CELF6: variants seen among roughly 807,000 people sequenced by gnomAD.
CELF6 encodes Bruno -like 6, RNA binding protein.
In CELF6, 32 loss-of-function variants were observed where a neutral mutation model predicts 53.1. The ratio of observed to expected loss-of-function variants is 0.60; its 90% CI spans 0.46 to 0.81. The LOEUF (loss-of-function observed/expected upper bound fraction) is 0.81, where lower values mean the gene tolerates loss of function less well. Among genes scored for constraint, CELF6 ranks in the 30% least tolerant of loss-of-function variants. CELF6 has a pLI of 0.00. For synonymous variants in CELF6, 291 were observed against 288.8 expected, an observed-to-expected ratio of 1.01 and a Z score of -0.08; for missense variants, 539 against 669.5, an observed-to-expected ratio of 0.81 and a Z score of 2.15.
chr15:72,293,695 CTTT>C (rs34917839), intron 3 of CELF6, among the ~76,000 whole-genome samples: 75 of 128,700 alleles, frequency 5.8e-4, no homozygotes, highest in Non-Finnish European at 7.0e-4. Context: ...CTATCAAATG[CTTT>C]TTTTTTTTTT....
chr15:72,287,940 A>C (rs193282032), intron 11 of CELF6, among the ~76,000 whole-genome samples: 37 of 151,946 alleles, frequency 2.4e-4, no homozygotes, highest in Non-Finnish European at 1.5e-5. Flanking sequence ...CGGATTCAAG[A>C]AATTCTCCTG....
At chr15:72,305,865 T>C (rs2088222939) in intron 2 of CELF6, among the ~76,000 whole-genome samples, 1 of 151,444 alleles carries the variant, frequency 6.6e-6, no homozygotes, top group African/African-American at 2.4e-5. Context: ...TTTTTTTTTT[T>C]TTTTGCCCCA....
intron 3 of CELF6, among the ~76,000 whole-genome samples, chr15:72,303,504 G>A (rs1428677620): frequency 6.6e-6 from 1 of 152,206 alleles, no homozygotes; most frequent in Non-Finnish European, 1.5e-5. Flanking sequence ...CTGTGTGTGG[G>A]TTCTCAGACT....
At chr15:72,301,756 A>C (rs557697487) in intron 3 of CELF6, among the ~76,000 whole-genome samples, 5 of 50,632 alleles carry the variant, frequency 9.9e-5, no homozygotes, top group African/African-American at 2.3e-4. Context: ...TTTTTTTTTG[A>C]GACAGAGTCT....
At position 72,289,083 on chromosome 15, in the gene CELF6, C is replaced by G. The variant is rs992447830; in HGVS notation, c.1030+55G>C. 7.1e-7 allele frequency: 1 copy of G among 1,401,546 alleles called. No individual in the cohort carries two copies. Among genetic ancestry groups the G allele is most frequent in the Non-Finnish European group, 9.5e-7 (1 of 1,048,364 alleles). The allele number at this position is 1,401,546 out of a possible 1,614,324, so 86.8% of individuals were successfully genotyped here. Reference sequence around the variant, plus strand: ...CCAGGGAAGCCAGGCCCTAACCCCCCACCCCCCGCTCCCCACTCCATTTCG... The same window carrying G: ...CCAGGGAAGCCAGGCCCTAACCCCCGACCCCCCGCTCCCCACTCCATTTCG... On this transcript the variant is annotated intron_variant, in intron 8 of 12. Transcript: ENST00000287202. This position sits in a 1 kb window ranked among gnomAD's most constrained non-coding sequence, Gnocchi z 7.6.
intron 1 of CELF6, among the ~76,000 whole-genome samples, chr15:72,317,396 A>C (rs1004418505): frequency 1.5e-4 from 23 of 152,178 alleles, no homozygotes; most frequent in African/African-American, 5.3e-4. Context: ...CCTCTTCTAC[A>C]GGGCTGCCCC....
At chr15:72,306,478 G>A (rs1271086587) in intron 2 of CELF6, among the ~76,000 whole-genome samples, 1 of 139,796 alleles carries the variant, frequency 7.2e-6, no homozygotes, top group East Asian at 2.5e-4. Context: ...AGTAACCATG[G>A]TAACGCCCTG....
chr15:72,320,061 G>T lies in CELF6; in HGVS notation c.-187C>A. Reference sequence around the variant, plus strand: ...GGTGGGGCGGGCAGGAAAGGGGCGGGGCCGGGGCGGGGCGGGCCCGGGCCG... The same window carrying T: ...GGTGGGGCGGGCAGGAAAGGGGCGGTGCCGGGGCGGGGCGGGCCCGGGCCG... On this transcript the variant is annotated 5_prime_UTR_variant, in exon 1 of 13. Transcript: ENST00000287202. 1 of 575,086 alleles carries T rather than the reference G, an allele frequency of 1.7e-6. No homozygotes were observed. Among genetic ancestry groups the T allele is most frequent in the Non-Finnish European group, 3.2e-6 (1 of 309,466 alleles). The allele number at this position is 575,086 out of a possible 1,614,324, so 35.6% of individuals were successfully genotyped here.
rs1240910522 is a variant in CELF6, at chr15:72,319,042, TAGAC to T, written c.262+567_262+570del. ...CTGGGAATTGAATTGGATTTTGTGT[TAGAC>T]AGGTCTGGGTTCTGAAGAAGGGGAG... On this transcript the variant is annotated intron_variant, in intron 1 of 12. Transcript: ENST00000287202. This position sits in a 1 kb window ranked among gnomAD's most constrained non-coding sequence, Gnocchi z 5.0. Among the ~76,000 whole-genome samples, 3 of 152,072 alleles carry T rather than the reference TAGAC, an allele frequency of 2.0e-5. No individual in the cohort carries two copies. Among genetic ancestry groups the T allele is most frequent in the Admixed American group, 6.6e-5 (1 of 15,256 alleles).
At chr15:72,291,683 C>T (rs1473446143) in intron 3 of CELF6, among the ~76,000 whole-genome samples, 2 of 152,116 alleles carry the variant, frequency 1.3e-5, no homozygotes, top group Admixed American at 6.5e-5. Flanking sequence ...ATATGTCACC[C>T]GGGTGGTGTG....
Position 72,315,878 on chromosome 15 carries a change from C to G in CELF6, c.312G>C (p.Gln104His). Residue 104 changes from glutamine to histidine, a missense_variant, in exon 2 of 13, where the codon CAG (glutamine) becomes CAC (histidine). This residue lies in a region of CELF6 where 97 missense variants were observed against 168.8 expected (regional missense o/e 0.57). Coordinates refer to ENST00000287202, the MANE Select transcript of CELF6 (RefSeq NM_052840.5). Reference sequence around the variant, plus strand: ...GGGTCTTCTGCTCGTGCAGTGCACTCTGGGCCTTGAGAGCAGAGTCCCGGG... The same window carrying G: ...GGGTCTTCTGCTCGTGCAGTGCACTGTGGGCCTTGAGAGCAGAGTCCCGGG... Reference protein sequence around the residue: ...YCARDSALKAQSALHEQKTLP... With the variant: ...YCARDSALKAHSALHEQKTLP... 6.2e-7 allele frequency: 1 copy of G among 1,607,636 alleles called. No individual in the cohort carries two copies. Among genetic ancestry groups the G allele is most frequent in the Non-Finnish European group, 8.5e-7 (1 of 1,177,366 alleles).
chr15:72,319,930 C>G lies in CELF6; in HGVS notation c.-56G>C. The G allele has an allele frequency of 7.1e-7, 1 of 1,408,314 alleles. No homozygotes were observed. The highest frequency in any genetic ancestry group is 1.5e-5 in the African/African-American group (1 of 66,084). 87.2% of individuals were successfully genotyped at this position (1,408,314 alleles called of 1,614,324 possible). On this transcript the variant is annotated 5_prime_UTR_variant, in exon 1 of 13. Coordinates refer to ENST00000287202, the MANE Select transcript of CELF6 (RefSeq NM_052840.5). The surrounding 1 kb of genome is among the most constrained non-coding windows in gnomAD (Gnocchi z 5.0). ...CCACTGGTCCCGCCTGTCCCGCCGT[C>G]CCCTCCCTGGACCGGTGGCGAGGGC...
In CELF6 at chr15:72,288,907, G is replaced by A. The variant is rs1296482725; in HGVS notation, c.1054C>T (p.Pro352Ser). ...ATCCCAGCGTAGGCCTGCTGCAGGGGGTCAGCCACGCCGGGGCTCTGGGCT... is the reference window on the plus strand; with the variant it reads ...ATCCCAGCGTAGGCCTGCTGCAGGGAGTCAGCCACGCCGGGGCTCTGGGCT... ...YPAQSPGVAD[P>S]LQQAYAGMHH... The change falls in exon 9 of 13, where the codon CCC becomes TCC. Residue 352 changes from proline to serine, a missense_variant. Physicochemically the swap from Pro to Ser is moderately conservative, Grantham distance 74 (BLOSUM62 -1). Coordinates refer to ENST00000287202, the MANE Select transcript of CELF6 (RefSeq NM_052840.5). The surrounding 1 kb of genome is among the most constrained non-coding windows in gnomAD (Gnocchi z 4.6). 6 of 1,550,932 alleles carry A rather than the reference G, an allele frequency of 3.9e-6. No individual in the cohort carries two copies. Among genetic ancestry groups the A allele is most frequent in the Non-Finnish European group, 5.2e-6 (6 of 1,147,048 alleles).
Position 72,289,150 on chromosome 15 carries a change from A to G in CELF6, c.1018T>C (p.Ser340Pro). The G allele has an allele frequency of 6.5e-7, 1 of 1,539,906 alleles. No homozygotes were observed. The highest frequency in any genetic ancestry group is 8.7e-7 in the Non-Finnish European group (1 of 1,152,020). The change falls in exon 8 of 13, where the codon TCC becomes CCC. Residue 340 changes from serine to proline, a missense_variant. Transcript: ENST00000287202. This position sits in a 1 kb window ranked among gnomAD's most constrained non-coding sequence, Gnocchi z 7.6. Reference sequence around the variant, plus strand: ...GCGGGGGGCCCACCTGGATAAGGGGAGAGCCCGTTATTGTAGAGCGTGTCG... The same window carrying G: ...GCGGGGGGCCCACCTGGATAAGGGGGGAGCCCGTTATTGTAGAGCGTGTCG... ...GSDTLYNNGL[S>P]PYPAQSPGVA...
chr15:72,289,719 C>T lies in CELF6; in HGVS notation c.655G>A (p.Ala219Thr), dbSNP rs2087978448. The stretch of plus-strand genomic sequence containing the variant: ...GCCATCTGCTGCATCCGCCGCAGCG[C>T]GCGCTCCCGGTCGGTGTCCGCCAGC... ...VKLADTDRER[A>T]LRRMQQMAGH... The change falls in exon 6 of 13, where the codon GCG becomes ACG. Residue 219 changes from alanine (A) to threonine (T), a missense_variant. Physicochemically the swap from Ala to Thr is moderately conservative, Grantham distance 58. Transcript: ENST00000287202. The surrounding 1 kb of genome is among the most constrained non-coding windows in gnomAD (Gnocchi z 7.6). 2 of 1,481,304 alleles carry T rather than the reference C, an allele frequency of 1.4e-6. No individual in the cohort carries two copies. The highest frequency in any genetic ancestry group is 2.6e-5 in the South Asian group (2 of 76,348). The allele number at this position is 1,481,304 out of a possible 1,614,324, so 91.8% of individuals were successfully genotyped here.
chr15:72,289,817 C>T lies in CELF6; in HGVS notation c.604-47G>A. 6.8e-7 allele frequency: 1 copy of T among 1,463,852 alleles called. No homozygotes were observed. The highest frequency in any genetic ancestry group is 1.4e-5 in the African/African-American group (1 of 70,904). The allele number at this position is 1,463,852 out of a possible 1,614,324, so 90.7% of individuals were successfully genotyped here. A position where few individuals can be genotyped will look rare whatever the true frequency, so the allele number is the denominator to read the frequency against. On this transcript the variant is annotated intron_variant, in intron 5 of 12. Coordinates refer to ENST00000287202, the MANE Select transcript of CELF6 (RefSeq NM_052840.5). The surrounding 1 kb of genome is among the most constrained non-coding windows in gnomAD (Gnocchi z 7.6). ...GTGGTGACCGGTCCTGACCCTGGCC[C>T]CGGCCCGGGGCCGAGCGCCTTTCCC...
At chr15:72,315,568 A>G (rs1048000343) in intron 2 of CELF6, among the ~76,000 whole-genome samples, 1 of 152,218 alleles carries the variant, frequency 6.6e-6, no homozygotes, top group Non-Finnish European at 1.5e-5. Flanking sequence ...AATTTTACCA[A>G]GGTGAATAAA....
At chr15:72,304,636 C>A in intron 3 of CELF6, 110 bp downstream of exon 3, 1 of 942,216 alleles carries the variant, frequency 1.1e-6, no homozygotes, top group Non-Finnish European at 1.7e-6. Flanking sequence ...CCCACCTGTC[C>A]CCTTGACCCA....
intron 2 of CELF6, among the ~76,000 whole-genome samples, chr15:72,307,071 G>C (rs1486142909): frequency 6.6e-6 from 1 of 152,008 alleles, no homozygotes; most frequent in East Asian, 1.9e-4. Flanking sequence ...TGGGGTGGGG[G>C]GCAGTGAGGG....
Sources: gnomAD v4.1 joint callset for allele counts (sites outside exome capture counted in the v4.1 genomes callset) on GRCh38, gnomAD v4.1.1 for gene constraint, gnomAD v4.1.1 regional missense constraint, Gnocchi (gnomAD v3.1) non-coding constraint, MANE v1.5 for transcripts, NCBI Gene and HGNC (gene_info 2026-07-23, HGNC 2026-07-21) for gene names.